BPTF: variants seen among roughly 807,000 people sequenced by gnomAD.
BPTF encodes the protein bromodomain PHD finger transcription factor.
BPTF carries 18 observed loss-of-function variants against 292.5 expected under a neutral mutation model. The ratio of observed to expected loss-of-function variants is 0.06; its 90% CI spans 0.04 to 0.09. BPTF has a LOEUF of 0.09. BPTF is among the 10% of genes least tolerant of loss of function. BPTF has a pLI of 1.00. For synonymous variants in BPTF, 1,225 were observed against 1,251.9 expected, an observed-to-expected ratio of 0.98 and a Z score of 0.45; for missense variants, 2,726 against 3,498.7, an observed-to-expected ratio of 0.78 and a Z score of 5.57.
intron 7 of BPTF, among the ~76,000 whole-genome samples, chr17:67,898,324 G>A (rs1223833121): frequency 1.3e-5 from 2 of 152,272 alleles, no homozygotes; most frequent in African/African-American, 4.8e-5. Context: ...TCGCACCAGT[G>A]CACTCCATCC....
Position 67,948,233 on chromosome 17 carries a change from A to G in BPTF, c.7853A>G (p.His2618Arg). ...AAGCTGTCAGCTCTGCTCTTCAAGC[A>G]CAAAGAGCAGCTCAGAGCCGAGATC... ...ATKLSALLFK[H>R]KEQLRAEILK... The change falls in exon 23 of 28, where the codon CAC becomes CGC. Residue 2618 changes from histidine to arginine, a missense_variant. Coordinates refer to ENST00000306378, the MANE Select transcript of BPTF (RefSeq NM_182641.4). 1 of 1,614,194 alleles carries G rather than the reference A, an allele frequency of 6.2e-7. No individual in the cohort carries two copies. The highest frequency in any genetic ancestry group is 1.3e-5 in the African/African-American group (1 of 75,054).
chr17:67,838,636 C>T (rs1462854541), intron 1 of BPTF, among the ~76,000 whole-genome samples: 2 of 152,156 alleles, frequency 1.3e-5, no homozygotes, highest in African/African-American at 4.8e-5. Flanking sequence ...GCTGCCATGC[C>T]TGGCTAGTTT....
At chr17:67,892,880 G>A (rs890080435) in intron 5 of BPTF, among the ~76,000 whole-genome samples, 17 of 152,150 alleles carry the variant, frequency 1.1e-4, no homozygotes, top group African/African-American at 3.9e-4. Flanking sequence ...TCCACTAAGA[G>A]TTGGGATCAA....
At chr17:67,858,961 A>G (rs970587253) in intron 2 of BPTF, among the ~76,000 whole-genome samples, 7 of 152,186 alleles carry the variant, frequency 4.6e-5, no homozygotes, top group Non-Finnish European at 8.8e-5. Flanking sequence ...TCAGTGGTAT[A>G]GGTCTTAGTT....
Position 67,946,328 on chromosome 17 carries a change from A to T in BPTF, c.7617+3A>T. On this transcript the variant is annotated splice_donor_region_variant and intron_variant, in intron 21 of 27. Coordinates refer to ENST00000306378, the MANE Select transcript of BPTF (RefSeq NM_182641.4). ...AAAGTGAAATCATTCAGAAACAGGT[A>T]AAGTTATTAAGTAAAAGCAGCATGT... 6.2e-7 allele frequency: 1 copy of T among 1,612,554 alleles called. No homozygotes were observed. Among genetic ancestry groups the T allele is most frequent in the African/African-American group, 1.3e-5 (1 of 74,974 alleles).
intron 11 of BPTF, among the ~76,000 whole-genome samples, chr17:67,917,937 G>T (rs941803413): frequency 6.6e-6 from 1 of 152,138 alleles, no homozygotes; most frequent in East Asian, 1.9e-4. Flanking sequence ...TCAGGCTCCC[G>T]AGTAGCTGGG....
chr17:67,917,997 G>C (rs1011068246), intron 11 of BPTF, among the ~76,000 whole-genome samples: 5 of 152,084 alleles, frequency 3.3e-5, no homozygotes, highest in Admixed American at 6.6e-5. Flanking sequence ...ATTTTTAGTA[G>C]AGATGGGGTT....
chr17:67,857,137 C>T (rs949755201), intron 2 of BPTF, among the ~76,000 whole-genome samples: 1 of 145,236 alleles, frequency 6.9e-6, no homozygotes, highest in East Asian at 2.1e-4. Flanking sequence ...CTTATGAGTT[C>T]GTCTTTAACA....
At chr17:67,889,595 G>A (rs1294160261) in intron 4 of BPTF, among the ~76,000 whole-genome samples, 1 of 152,066 alleles carries the variant, frequency 6.6e-6, no homozygotes, top group Non-Finnish European at 1.5e-5. Flanking sequence ...ATCACTGGAG[G>A]TCAGGGGTTC....
intron 1 of BPTF, among the ~76,000 whole-genome samples, chr17:67,835,758 C>A (rs1354828277): frequency 6.6e-6 from 1 of 151,902 alleles, no homozygotes; most frequent in Admixed American, 6.6e-5. Context: ...CTCTGCCTCC[C>A]GGGTTCACGC....
At position 67,920,292 on chromosome 17, in the gene BPTF, TAAAC is replaced by T. The variant is rs910130779; in HGVS notation, c.5557+151_5557+154del. ...AATTTTGAAAATGATATTAAAGTAA[TAAAC>T]ATATCAAGATTCTGGTAGACACACA... On this transcript the variant is annotated intron_variant, in intron 13 of 27. Transcript: ENST00000306378. 1.4e-4 allele frequency: 122 copies of T among 862,992 alleles called. No individual in the cohort carries two copies. In the African/African-American group the frequency reaches 2.0e-3, roughly 14 times the overall value. The allele number at this position is 862,992 out of a possible 1,614,324, so 53.5% of individuals were successfully genotyped here.
Position 67,912,209 on chromosome 17 carries a change from A to G in BPTF, c.4325A>G (p.Asn1442Ser), listed in dbSNP as rs1318969377. 4 of 1,608,952 alleles carry G rather than the reference A, an allele frequency of 2.5e-6. No individual in the cohort carries two copies. In the East Asian group the frequency reaches 6.7e-5, roughly 27 times the overall value. ...GGTAATGTTGAACCAAAGGTTAATAATATAAATAAAATAATCCCTGAGAAT... is the reference window on the plus strand; with the variant it reads ...GGTAATGTTGAACCAAAGGTTAATAGTATAAATAAAATAATCCCTGAGAAT... ...VSGNVEPKVN[N>S]INKIIPENDI... Residue 1442 changes from asparagine (N) to serine (S), a missense_variant, in exon 11 of 28, where the codon AAT becomes AGT. Around this residue, in one of 22 missense-constraint regions of BPTF, gnomAD observed 713 missense variants for 714.9 expected, o/e 1.00. Transcript: ENST00000306378.
intron 23 of BPTF, chr17:67,951,344 A>G (rs7502501): frequency 0.88 from 134,415 of 152,104 alleles, 61,786 homozygotes; most frequent in East Asian, 1. Context: ...TGAGGGTTTT[A>G]GGAATTGTAT....
intron 1 of BPTF, among the ~76,000 whole-genome samples, chr17:67,830,671 C>G (rs1235568096): frequency 6.6e-6 from 1 of 152,052 alleles, no homozygotes; most frequent in Non-Finnish European, 1.5e-5. Context: ...GCAGCAGGCA[C>G]TGATAGTAAA....
chr17:67,964,474 T>G, intron 25 of BPTF, 70 bp downstream of exon 25: 1 of 1,479,224 alleles, frequency 6.8e-7, no homozygotes, highest in Non-Finnish European at 9.1e-7. Flanking sequence ...ATTTCTAGGA[T>G]TTCAAGTTTC....
chr17:67,966,188 T>C (rs781958609), intron 25 of BPTF: 22 of 174,798 alleles, frequency 1.3e-4, no homozygotes, highest in Non-Finnish European at 2.1e-4. Flanking sequence ...TTATCTAACA[T>C]CACGTCTCTG....
intron 23 of BPTF, among the ~76,000 whole-genome samples, chr17:67,958,841 C>T (rs1555682157): frequency 1.3e-5 from 2 of 152,072 alleles, no homozygotes; most frequent in African/African-American, 4.8e-5. Flanking sequence ...GTGTTGCACG[C>T]CTGTAATCCC....
chr17:67,880,362 G>A (rs1598399789), intron 4 of BPTF, among the ~76,000 whole-genome samples: 1 of 151,892 alleles, frequency 6.6e-6, no homozygotes, highest in Admixed American at 6.6e-5. Context: ...TCTGAAGATG[G>A]TTGCTTTGAT....
chr17:67,965,328 G>A (rs1331768276), intron 25 of BPTF: 1 of 151,428 alleles, frequency 6.6e-6, no homozygotes, highest in Non-Finnish European at 1.5e-5. Flanking sequence ...AGGTGACAGT[G>A]TGAGACTCTG....
Sources: gnomAD v4.1 joint callset for allele counts (sites outside exome capture counted in the v4.1 genomes callset) on GRCh38, gnomAD v4.1.1 for gene constraint, gnomAD v4.1.1 regional missense constraint, MANE v1.5 for transcripts, NCBI Gene and HGNC (gene_info 2026-07-23, HGNC 2026-07-21) for gene names.